The following FOXJ3 variants were observed in gnomAD, a reference collection of about 807,000 sequenced individuals.
FOXJ3 encodes the protein forkhead box J3, also known as forkhead box protein J3.
A neutral mutation model predicts 76.1 loss-of-function variants in FOXJ3; 22 were observed. The observed-to-expected ratio is 0.29, with a 90% CI of 0.21 to 0.41. The LOEUF is 0.41. Ranked by LOEUF, FOXJ3 falls within the 10% of genes least tolerant of loss-of-function variation. FOXJ3 has a pLI of 1.00. For synonymous variants in FOXJ3, 269 were observed against 261.2 expected (o/e 1.03, Z -0.29); for missense variants, 613 against 762.1 (o/e 0.80, Z 2.30).
At chr1:42,181,266 T>C (rs566803609) in intron 12 of FOXJ3, among the ~76,000 whole-genome samples, 4 of 152,372 alleles carry the variant, frequency 2.6e-5, no homozygotes, top group South Asian at 2.1e-4. Context: ...CTAAGTGATC[T>C]TTAAGATACT....
At chr1:42,282,099 T>C (rs898861155) in intron 2 of FOXJ3, among the ~76,000 whole-genome samples, 1 of 151,804 alleles carries the variant, frequency 6.6e-6, no homozygotes, top group African/African-American at 2.4e-5. Context: ...AACAAACTTA[T>C]TAGTGGAATG....
At chr1:42,316,370 T>C (rs1336501195) in intron 1 of FOXJ3, among the ~76,000 whole-genome samples, 2 of 97,790 alleles carry the variant, frequency 2.0e-5, no homozygotes, top group African/African-American at 3.7e-5. Context: ...AAGGTCTTGC[T>C]GTGTTGTCCA....
At chr1:42,218,805 C>A (rs141309547) in intron 5 of FOXJ3, among the ~76,000 whole-genome samples, 2 of 152,294 alleles carry the variant, frequency 1.3e-5, no homozygotes, top group African/African-American at 4.8e-5. Flanking sequence ...CCACCCCTTA[C>A]TTCTCAAATG....
Position 42,246,631 on chromosome 1 carries a change from TA to T in FOXJ3, c.444+18483del, listed in dbSNP as rs758386607. Among the ~76,000 whole-genome samples, 799 of 136,678 alleles carry T rather than the reference TA, an allele frequency of 5.8e-3. 2 individuals are homozygous for T. Among genetic ancestry groups the T allele is most frequent in the Non-Finnish European group, 8.3e-3 (520 of 62,538 alleles). 89.7% of individuals were successfully genotyped at this position (136,678 alleles called of 152,430 possible). A position where few individuals can be genotyped will look rare whatever the true frequency, so the allele number is the denominator to read the frequency against. On this transcript the variant is annotated intron_variant, in intron 4 of 12. Transcript: ENST00000361346. ...TTATGGAAAACAGTATGTTGCTTTC[TA>T]AAAAAAAAAAAACACTAAAAATAGA...
chr1:42,261,524 C>T (rs1252892909), intron 4 of FOXJ3, among the ~76,000 whole-genome samples: 1 of 151,906 alleles, frequency 6.6e-6, no homozygotes, highest in Admixed American at 6.6e-5. Flanking sequence ...TTTTACGACA[C>T]AATCTTCTTG....
chr1:42,191,314 G>A lies in FOXJ3; in HGVS notation c.1340C>T (p.Ser447Phe), dbSNP rs866021689. ...HQAPPPPQQV[S>F]CNSGVSNDWY... ...AGACAAAAACTTACCAGAATTACAG[G>A]ATACCTGTTGTGGGGGTGGGGGTGC... Residue 447 changes from serine (S) to phenylalanine (F), a missense_variant, in exon 9 of 13, where the codon TCC becomes TTC. Transcript: ENST00000361346. 1 of 1,541,930 alleles carries A rather than the reference G, an allele frequency of 6.5e-7. No homozygotes were observed. Among genetic ancestry groups the A allele is most frequent in the East Asian group, 2.3e-5 (1 of 44,084 alleles).
chr1:42,232,585 A>G lies in FOXJ3; in HGVS notation c.445-4619T>C, dbSNP rs1008199398. ...ATTTTTTCATGTGTCTTTTGGCTGCATAAATGTCTTCTTTTGAGAAGTGTC... is the reference window on the plus strand; with the variant it reads ...ATTTTTTCATGTGTCTTTTGGCTGCGTAAATGTCTTCTTTTGAGAAGTGTC... On this transcript the variant is annotated intron_variant, in intron 4 of 12. Coordinates refer to ENST00000361346, the MANE Select transcript of FOXJ3 (RefSeq NM_014947.5). Among the ~76,000 whole-genome samples the G allele has an allele frequency of 2.6e-4, 40 of 151,134 alleles. No homozygotes were observed. The East Asian group carries it at 5.1e-3, about 19-fold the overall frequency.
rs562781159 is a variant in FOXJ3 at position 42,249,293 on chromosome 1, T to C, written c.444+15822A>G. Among the ~76,000 whole-genome samples the C allele has an allele frequency of 2.0e-5, 3 of 152,328 alleles. No individual in the cohort carries two copies. The East Asian group carries it at 5.8e-4, about 29-fold the overall frequency. ...AAATGAGTATATATTTCTTTGGGTA[T>C]AAGGCTCCTGATTTCTAGCTGATTC... On this transcript the variant is annotated intron_variant, in intron 4 of 12. Transcript: ENST00000361346.
In FOXJ3 at chr1:42,188,732, C is replaced by T; in HGVS notation, c.1645+5G>A. The T allele has an allele frequency of 6.4e-7, 1 of 1,557,104 alleles. No homozygotes were observed. Among genetic ancestry groups the T allele is most frequent in the Non-Finnish European group, 8.7e-7 (1 of 1,146,000 alleles). On this transcript the variant is annotated splice_donor_5th_base_variant and intron_variant, in intron 11 of 12. Transcript: ENST00000361346. ...GAAAAATCAAGAAGATAACTAACCC[C>T]ATACCTGTTCCAATGTGTTGGGAAG... is the stretch of plus-strand genomic sequence containing the variant.
intron 1 of FOXJ3, among the ~76,000 whole-genome samples, chr1:42,328,677 T>A (rs1338318101): frequency 2.9e-5 from 1 of 34,498 alleles, no homozygotes; most frequent in Admixed American, 3.5e-4. Context: ...ACTTATCCTA[T>A]TTTTTTTTTT....
chr1:42,292,445 G>T (rs1653500580), intron 2 of FOXJ3, among the ~76,000 whole-genome samples: 1 of 152,126 alleles, frequency 6.6e-6, no homozygotes, highest in Non-Finnish European at 1.5e-5. Flanking sequence ...TAAACAAACT[G>T]TTGTGAATAT....
At chr1:42,241,259 C>A (rs987963736) in intron 4 of FOXJ3, among the ~76,000 whole-genome samples, 1 of 152,170 alleles carries the variant, frequency 6.6e-6, no homozygotes, top group Non-Finnish European at 1.5e-5. Context: ...AGCCTAAGAA[C>A]TGCCTGCAGC....
chr1:42,207,078 C>T (rs529134481), intron 5 of FOXJ3, among the ~76,000 whole-genome samples: 1 of 152,280 alleles, frequency 6.6e-6, no homozygotes, highest in East Asian at 1.9e-4. Context: ...GACCCACCTG[C>T]CTCAGCCTCC....
At chr1:42,333,430 CA>C (rs1300792288) in intron 1 of FOXJ3, among the ~76,000 whole-genome samples, 1 of 152,036 alleles carries the variant, frequency 6.6e-6, no homozygotes, top group Non-Finnish European at 1.5e-5. Flanking sequence ...CTAATGAAAG[CA>C]TGAGAAACTT....
chr1:42,327,080 A>G (rs1655879258), intron 1 of FOXJ3, among the ~76,000 whole-genome samples: 1 of 152,240 alleles, frequency 6.6e-6, no homozygotes, highest in Non-Finnish European at 1.5e-5. Flanking sequence ...CAGATCAGAT[A>G]AAACACTTTT....
intron 7 of FOXJ3, among the ~76,000 whole-genome samples, chr1:42,198,134 T>C (rs1312948739): frequency 1.3e-5 from 2 of 152,180 alleles, no homozygotes; most frequent in East Asian, 1.9e-4. Flanking sequence ...ACTGCTTCTA[T>C]AACAACTTTT....
chr1:42,277,364 A>T (rs956955951), intron 3 of FOXJ3, among the ~76,000 whole-genome samples: 11 of 11,266 alleles, frequency 9.8e-4, no homozygotes, highest in Admixed American at 2.1e-3. Context: ...TCTCTAATTA[A>T]AAAAAAAAAA....
intron 4 of FOXJ3, among the ~76,000 whole-genome samples, chr1:42,236,523 G>C (rs572595985): frequency 2.6e-5 from 4 of 152,238 alleles, no homozygotes; most frequent in Admixed American, 1.3e-4. Context: ...CAACTTTGCC[G>C]AAGTATATTT....
At chr1:42,193,906 A>G (rs1048713190) in intron 8 of FOXJ3, among the ~76,000 whole-genome samples, 5 of 152,178 alleles carry the variant, frequency 3.3e-5, no homozygotes, top group African/African-American at 1.2e-4. Flanking sequence ...TGAGAGAACT[A>G]GCTACTTTTT....
Sources: allele counts gnomAD v4.1 joint callset (sites outside exome capture counted in the v4.1 genomes callset), GRCh38; gene constraint gnomAD v4.1.1; transcripts MANE v1.5; gene names NCBI Gene and HGNC (gene_info 2026-07-23, HGNC 2026-07-21).